WDPCP: variants seen among roughly 807,000 people sequenced by gnomAD.
WDPCP encodes the protein WD repeat-containing and planar cell polarity effector protein fritz homolog.
Under a neutral mutation model 93.1 loss-of-function variants are expected in WDPCP, and 71 were observed. The observed-to-expected ratio is 0.76, with a 90% CI of 0.63 to 0.93. The LOEUF (loss-of-function observed/expected upper bound fraction) is 0.93. Among genes scored for constraint, WDPCP ranks in the 40% least tolerant of loss-of-function variants. The pLI is 0.00. For synonymous variants in WDPCP, 315 were observed against 315.0 expected, an observed-to-expected ratio of 1.00 and a Z score of 0.00; for missense variants, 844 against 887.4, an observed-to-expected ratio of 0.95 and a Z score of 0.62.
chr2:63,751,222 A>C (rs1434100414), intron 2 of WDPCP, among the ~76,000 whole-genome samples: 1 of 152,136 alleles, frequency 6.6e-6, no homozygotes, highest in Admixed American at 6.5e-5. Context: ...CATTTTATTT[A>C]AGTTGTCATA....
rs139336552 is a variant in WDPCP at position 63,811,439 on chromosome 2, A to G, written n.308+2183T>C. Among the ~76,000 whole-genome samples the G allele has an allele frequency of 4.2e-3, 636 of 152,294 alleles. 6 individuals carry two copies. The highest frequency in any genetic ancestry group is 0.015 in the African/African-American group (607 of 41,560). ...CCTCTAGGAACTACAGGTGGTCTCT[A>G]GGTGCTAAGGGCATCCTCCAGCCAA... On this transcript the variant is annotated intron_variant and non_coding_transcript_variant, in intron 2 of 4. Transcript: ENST00000467687.
At chr2:63,575,459 GTATATA>G (rs1271353111) in intron 1 of WDPCP, among the ~76,000 whole-genome samples, 4 of 35,116 alleles carry the variant, frequency 1.1e-4, no homozygotes, top group African/African-American at 4.9e-4. Context: ...TGTATATACA[GTATATA>G]TGCAGTATAT....
chr2:63,838,916 A>C, the WDPCP span, among the ~76,000 whole-genome samples: 1 of 152,208 alleles, frequency 6.6e-6, no homozygotes, highest in Non-Finnish European at 1.5e-5. Context: ...TGTGGGTTCA[A>C]AATTTAAATT....
intron 14 of WDPCP, among the ~76,000 whole-genome samples, chr2:63,255,929 A>T (rs1681098343): frequency 6.6e-6 from 1 of 152,192 alleles, no homozygotes; most frequent in African/African-American, 2.4e-5. Flanking sequence ...TAAAAATAAG[A>T]TTACCACATA....
intron 13 of WDPCP, among the ~76,000 whole-genome samples, chr2:63,311,920 T>C (rs1228057727): frequency 6.6e-6 from 1 of 151,876 alleles, no homozygotes; most frequent in Non-Finnish European, 1.5e-5. Context: ...ACTATAGACA[T>C]AAAAAATAAA....
At position 63,121,514 on chromosome 2, in the gene WDPCP, A is replaced by C. The variant is rs1669548942; in HGVS notation, c.*492T>G. 1 of 153,402 alleles carries C rather than the reference A, an allele frequency of 6.5e-6. No homozygotes were observed. The highest frequency in any genetic ancestry group is 1.4e-5 in the Non-Finnish European group (1 of 69,866). 9.5% of individuals were successfully genotyped at this position (153,402 alleles called of 1,614,324 possible). On this transcript the variant is annotated 3_prime_UTR_variant, in exon 18 of 18. Transcript: ENST00000272321. The stretch of plus-strand genomic sequence containing the variant: ...ATTCTTCTGCCTCAGCTTCACAAGC[A>C]TGTACCACCATGCCTGGCTAATTTT...
chr2:63,755,300 G>A (rs946989360), intron 2 of WDPCP, among the ~76,000 whole-genome samples: 10 of 152,144 alleles, frequency 6.6e-5, no homozygotes, highest in South Asian at 2.1e-4. Context: ...CATCTTAGAG[G>A]AGCACGTGTG....
At chr2:63,680,131 A>T (rs1388068373) in intron 2 of WDPCP, among the ~76,000 whole-genome samples, 1 of 152,218 alleles carries the variant, frequency 6.6e-6, no homozygotes, top group African/African-American at 2.4e-5. Flanking sequence ...GGTTAAATAG[A>T]AGCCTTCACT....
chr2:63,588,930 A>T, upstream of WDPCP: 1 of 1,454,486 alleles, frequency 6.9e-7, no homozygotes, highest in Non-Finnish European at 9.6e-7. Context: ...TCGGGAGCGG[A>T]GCCTTTTCTC....
chr2:63,205,990 G>A (rs1037925206), intron 14 of WDPCP, among the ~76,000 whole-genome samples: 3 of 152,062 alleles, frequency 2.0e-5, no homozygotes, highest in African/African-American at 7.2e-5. Context: ...TTAAGCTGAG[G>A]TATATTCTTT....
chr2:63,295,835 C>A (rs1684806127), intron 13 of WDPCP, among the ~76,000 whole-genome samples: 1 of 134,638 alleles, frequency 7.4e-6, no homozygotes, highest in African/African-American at 2.8e-5. Context: ...CTACTTTTAT[C>A]AGATATACAA....
At chr2:63,588,857 A>C, upstream of WDPCP, 1 of 717,698 alleles carries the variant, frequency 1.4e-6, no homozygotes. Context: ...ACTTGAAGGA[A>C]ATGCTTTGGA....
chr2:63,529,684 G>A lies in WDPCP; in HGVS notation c.76-36744C>T, dbSNP rs562156316. Among the ~76,000 whole-genome samples, 161 of 152,128 alleles carry A rather than the reference G, an allele frequency of 1.1e-3. 1 individual carries two copies. The highest frequency in any genetic ancestry group is 3.4e-3 in the African/African-American group (140 of 41,514). On this transcript the variant is annotated intron_variant, in intron 1 of 17. Coordinates refer to ENST00000272321, the MANE Select transcript of WDPCP (RefSeq NM_015910.7). Reference sequence around the variant, plus strand: ...TACTGGTCTAAAATTCTCTTTTTTCGTTGTGTCTCTGCCAGGCTTTGGTAT... The same window carrying A: ...TACTGGTCTAAAATTCTCTTTTTTCATTGTGTCTCTGCCAGGCTTTGGTAT...
chr2:63,527,938 T>C lies in WDPCP; in HGVS notation c.76-34998A>G, dbSNP rs1037732630. On this transcript the variant is annotated intron_variant, in intron 1 of 17. Coordinates refer to ENST00000272321, the MANE Select transcript of WDPCP (RefSeq NM_015910.7). Reference sequence around the variant, plus strand: ...TAACTGGTGTGAGATGGTATCTCATTGTGGTTTTGATTTGCATTTCTCTGA... The same window carrying C: ...TAACTGGTGTGAGATGGTATCTCATCGTGGTTTTGATTTGCATTTCTCTGA... Among the ~76,000 whole-genome samples the C allele has an allele frequency of 1.3e-5, 2 of 152,062 alleles. 1 individual carries two copies. Among genetic ancestry groups the C allele is most frequent in the African/African-American group, 4.8e-5 (2 of 41,314 alleles).
chr2:63,325,551 G>A (rs1687468051), intron 12 of WDPCP, among the ~76,000 whole-genome samples: 5 of 152,136 alleles, frequency 3.3e-5, no homozygotes, highest in Admixed American at 3.3e-4. Flanking sequence ...TTAACCTTCT[G>A]TCCCAGATGA....
chr2:63,517,833 GCTCT>G (rs1236668837), intron 1 of WDPCP: 1 of 151,898 alleles, frequency 6.6e-6, no homozygotes, highest in Admixed American at 6.6e-5. Flanking sequence ...ACATTGTTTT[GCTCT>G]CTATGTACAT....
chr2:63,582,040 T>TA (rs1001539002), intron 1 of WDPCP, among the ~76,000 whole-genome samples: 14 of 147,064 alleles, frequency 9.5e-5, no homozygotes, highest in African/African-American at 1.2e-4. Context: ...TGACATTTAA[T>TA]AAAAAAAATT....
intron 2 of WDPCP, among the ~76,000 whole-genome samples, chr2:63,698,431 G>A (rs921941466): frequency 5.3e-5 from 8 of 152,160 alleles, no homozygotes; most frequent in Non-Finnish European, 7.3e-5. Context: ...TCATTAATGC[G>A]TAAACTCAGT....
intron 13 of WDPCP, among the ~76,000 whole-genome samples, chr2:63,310,038 A>C (rs1242651261): frequency 6.6e-6 from 1 of 152,188 alleles, no homozygotes; most frequent in African/African-American, 2.4e-5. Context: ...TTAATCTGAC[A>C]AATGTATAAA....
Sources: allele counts gnomAD v4.1 joint callset (sites outside exome capture counted in the v4.1 genomes callset), GRCh38; gene constraint gnomAD v4.1.1; transcripts MANE v1.5; gene names NCBI Gene and HGNC (gene_info 2026-07-23, HGNC 2026-07-21).